The following ARMH4 variants were observed in gnomAD, a reference collection of about 807,000 sequenced individuals.
ARMH4 encodes armadillo-like helical domain-containing protein 4.
A neutral mutation model predicts 61.9 loss-of-function variants in ARMH4; 49 were observed. The observed-to-expected ratio is 0.79, with a 90% CI of 0.63 to 1.00. ARMH4 has a LOEUF of 1.00. ARMH4 is among the 50% of genes least tolerant of loss of function. The pLI is 0.00. For missense variants in ARMH4, 934 were observed against 930.0 expected (o/e 1.00, Z -0.06); for synonymous variants, 368 against 341.5 (o/e 1.08, Z -0.85).
At chr14:58,032,123 C>T (rs939664785) in intron 5 of ARMH4, among the ~76,000 whole-genome samples, 1 of 152,060 alleles carries the variant, frequency 6.6e-6, no homozygotes, top group Non-Finnish European at 1.5e-5. Flanking sequence ...TTAAAGGGCC[C>T]TTCGTCGGAG....
intron 5 of ARMH4, among the ~76,000 whole-genome samples, chr14:58,020,325 G>C (rs1042464164): frequency 3.9e-5 from 6 of 152,260 alleles, no homozygotes; most frequent in African/African-American, 1.4e-4. Context: ...AAGCTGGGAG[G>C]CAGCGTGTAT....
At chr14:58,091,976 T>G (rs1336236009) in intron 5 of ARMH4, among the ~76,000 whole-genome samples, 2 of 152,188 alleles carry the variant, frequency 1.3e-5, no homozygotes, top group East Asian at 3.8e-4. Context: ...AATGCATATG[T>G]AACAGTGCAG....
chr14:58,068,545 A>G (rs1188385652), intron 5 of ARMH4, among the ~76,000 whole-genome samples: 1 of 152,190 alleles, frequency 6.6e-6, no homozygotes, highest in Non-Finnish European at 1.5e-5. Context: ...GTCATTTAGG[A>G]ACACAGAAGT....
chr14:58,138,188 C>A lies in ARMH4; in HGVS notation c.1171G>T (p.Ala391Ser). Residue 391 changes from alanine to serine, a missense_variant, in exon 2 of 8, where the codon GCT becomes TCT. By Grantham distance (99) the Ala-to-Ser change is moderately conservative (BLOSUM62 1). Transcript: ENST00000267485. ...GTAAAGGAACTTTGATCAGTGAAAG[C>A]AGGTGATCTCTCATTCCCATGCGCT... ...LIAHGNERSP[A>S]FTDQSSFTPT... is the part of the protein sequence containing the mutation. 6.2e-7 allele frequency: 1 copy of A among 1,614,186 alleles called. No homozygotes were observed. Among genetic ancestry groups the A allele is most frequent in the Non-Finnish European group, 8.5e-7 (1 of 1,180,036 alleles).
At chr14:58,025,931 T>A (rs1179647088) in intron 5 of ARMH4, among the ~76,000 whole-genome samples, 2 of 152,064 alleles carry the variant, frequency 1.3e-5, no homozygotes, top group Non-Finnish European at 2.9e-5. Flanking sequence ...TGCACTGATA[T>A]TTACAAAGAA....
intron 4 of ARMH4, among the ~76,000 whole-genome samples, chr14:58,097,467 G>T (rs113115906): frequency 6.6e-6 from 1 of 151,456 alleles, no homozygotes; most frequent in Non-Finnish European, 1.5e-5. Context: ...CACAAAAATG[G>T]TAAGTGAGGA....
Position 58,027,796 on chromosome 14 carries a change from G to T in ARMH4, c.2090-15646C>A, listed in dbSNP as rs954195389. Among the ~76,000 whole-genome samples, 3 of 152,254 alleles carry T rather than the reference G, an allele frequency of 2.0e-5. No individual in the cohort carries two copies. The East Asian group carries it at 5.8e-4, about 29-fold the overall frequency. On this transcript the variant is annotated intron_variant, in intron 5 of 7. Coordinates refer to ENST00000267485, the MANE Select transcript of ARMH4 (RefSeq NM_001001872.4). ...GGCTTTGGTGGTGATAGTTTCAGGGGTGTATACTTGTCCCCAAACTCATCG... is the reference window on the plus strand; with the variant it reads ...GGCTTTGGTGGTGATAGTTTCAGGGTTGTATACTTGTCCCCAAACTCATCG...
At chr14:58,087,358 T>G (rs1420644356) in intron 5 of ARMH4, among the ~76,000 whole-genome samples, 1 of 152,140 alleles carries the variant, frequency 6.6e-6, no homozygotes, top group Non-Finnish European at 1.5e-5. Flanking sequence ...TTTTTCTTCC[T>G]CAACATAGGA....
intron 5 of ARMH4, among the ~76,000 whole-genome samples, chr14:58,048,101 A>G (rs1884000123): frequency 6.6e-6 from 1 of 152,236 alleles, no homozygotes; most frequent in African/African-American, 2.4e-5. Flanking sequence ...AGGAATTCTC[A>G]TTAACTGAGT....
intron 5 of ARMH4, among the ~76,000 whole-genome samples, chr14:58,084,982 C>T (rs766190703): frequency 1.3e-5 from 2 of 152,204 alleles, no homozygotes; most frequent in Non-Finnish European, 2.9e-5. Context: ...AAGGCTTTAG[C>T]ATCCTTTTTT....
intron 5 of ARMH4, among the ~76,000 whole-genome samples, chr14:58,056,954 CT>C (rs1884367428): frequency 6.6e-6 from 1 of 152,118 alleles, no homozygotes; most frequent in South Asian, 2.1e-4. Context: ...AGTTTGCCTC[CT>C]TCACACTCTC....
In ARMH4 at chr14:58,001,099, C is replaced by T. The variant is rs1207966643; in HGVS notation, c.*3637G>A. ...TTATTTTGGATACCTCAAAGAAGTG[C>T]AATCATGCATTTGTCCTTCTGTCAC... On this transcript the variant is annotated 3_prime_UTR_variant, in exon 8 of 8. Coordinates refer to ENST00000267485, the MANE Select transcript of ARMH4 (RefSeq NM_001001872.4). The T allele has an allele frequency of 6.6e-6, 1 of 152,192 alleles. No individual in the cohort carries two copies. Among genetic ancestry groups the T allele is most frequent in the Non-Finnish European group, 1.5e-5 (1 of 68,038 alleles). The allele number at this position is 152,192 out of a possible 1,614,324, so 9.4% of individuals were successfully genotyped here.
chr14:58,009,569 G>C (rs570466796), intron 6 of ARMH4, among the ~76,000 whole-genome samples: 14 of 152,088 alleles, frequency 9.2e-5, no homozygotes, highest in South Asian at 2.1e-4. Context: ...CCAGCACTTT[G>C]GGAGGCCGAG....
At chr14:58,135,483 T>A (rs1887273861) in intron 2 of ARMH4, among the ~76,000 whole-genome samples, 1 of 152,190 alleles carries the variant, frequency 6.6e-6, no homozygotes. Context: ...AGGCGCTATT[T>A]GTAATTTTAT....
chr14:58,076,084 G>A (rs1027495498), intron 5 of ARMH4, among the ~76,000 whole-genome samples: 6 of 150,118 alleles, frequency 4.0e-5, no homozygotes, highest in African/African-American at 7.3e-5. Context: ...AGGAGAAAGA[G>A]GAGGAAGGGG....
intron 5 of ARMH4, among the ~76,000 whole-genome samples, chr14:58,017,978 C>A (rs1175718866): frequency 6.6e-6 from 1 of 152,108 alleles, no homozygotes; most frequent in African/African-American, 2.4e-5. Flanking sequence ...CATGCATTTA[C>A]CATCAATTGA....
At chr14:58,136,926 C>T (rs1465842002) in intron 2 of ARMH4, among the ~76,000 whole-genome samples, 2 of 152,062 alleles carry the variant, frequency 1.3e-5, no homozygotes, top group Non-Finnish European at 2.9e-5. Context: ...TTTAGGAAAA[C>T]AAAGTTAGAA....
intron 5 of ARMH4, among the ~76,000 whole-genome samples, chr14:58,015,471 T>C (rs1411460300): frequency 6.6e-6 from 1 of 152,112 alleles, no homozygotes; most frequent in Admixed American, 6.5e-5. Flanking sequence ...CGCCATGCCT[T>C]GTGCTTCTCA....
chr14:58,043,448 C>T (rs1249481447), intron 5 of ARMH4, among the ~76,000 whole-genome samples: 3 of 152,132 alleles, frequency 2.0e-5, no homozygotes, highest in African/African-American at 4.8e-5. Context: ...ATTGATGGGA[C>T]GTATCTCAAA....
Sources: allele counts gnomAD v4.1 joint callset (sites outside exome capture counted in the v4.1 genomes callset), GRCh38; gene constraint gnomAD v4.1.1; transcripts MANE v1.5; gene names NCBI Gene and HGNC (gene_info 2026-07-23, HGNC 2026-07-21).